Variants in MSRA observed in about 807,000 individuals in gnomAD.
MSRA encodes mitochondrial peptide methionine sulfoxide reductase.
Under a neutral mutation model 31.3 loss-of-function variants are expected in MSRA, and 54 were observed. The observed-to-expected ratio is 1.73, with a 90% CI of 1.39 to 2.17. The LOEUF (loss-of-function observed/expected upper bound fraction) is 2.17, where lower values mean the gene tolerates loss of function less well. Among genes scored for constraint, MSRA ranks in the 30% most tolerant of loss-of-function variants. The pLI is 0.00. For synonymous variants in MSRA, 169 were observed against 116.5 expected (o/e 1.45, Z -2.90); for missense variants, 507 against 300.9 (o/e 1.69, Z -5.07).
chr8:10,374,226 A>G (rs1205953110), intron 5 of MSRA, among the ~76,000 whole-genome samples: 1 of 152,198 alleles, frequency 6.6e-6, no homozygotes, highest in African/African-American at 2.4e-5. Context: ...TACAGAAGTA[A>G]ACTTACAGAA....
At chr8:10,261,410 A>T (rs534936939) in intron 3 of MSRA, among the ~76,000 whole-genome samples, 1 of 149,238 alleles carries the variant, frequency 6.7e-6, no homozygotes, top group Non-Finnish European at 1.5e-5. Context: ...AAAAAAGACT[A>T]TAAGGCCAGA....
chr8:10,266,587 T>C (rs2952185), intron 3 of MSRA, among the ~76,000 whole-genome samples: 129,645 of 151,696 alleles, frequency 0.85, 55,474 homozygotes, highest in East Asian at 0.96. Flanking sequence ...TTCTAAATTT[T>C]GATGAGATCC....
chr8:10,212,829 C>G (rs115694273), intron 2 of MSRA, among the ~76,000 whole-genome samples: 1 of 152,108 alleles, frequency 6.6e-6, no homozygotes, highest in African/African-American at 2.4e-5. Context: ...TTTTGGAACA[C>G]TGAAACATTT....
intron 1 of MSRA, among the ~76,000 whole-genome samples, chr8:10,102,601 C>T (rs536302894): frequency 3.3e-5 from 5 of 152,206 alleles, no homozygotes; most frequent in Admixed American, 3.3e-4. Context: ...GTTGGCATCT[C>T]TTGACTGTGT....
At chr8:10,311,594 A>C (rs1801437147) in intron 4 of MSRA, among the ~76,000 whole-genome samples, 1 of 152,176 alleles carries the variant, frequency 6.6e-6, no homozygotes, top group African/African-American at 2.4e-5. Flanking sequence ...GCAAGTATTC[A>C]GAAAATCGTC....
chr8:10,224,720 G>A (rs1392687599), intron 2 of MSRA, among the ~76,000 whole-genome samples: 5 of 152,184 alleles, frequency 3.3e-5, no homozygotes, highest in Non-Finnish European at 7.4e-5. Flanking sequence ...GACACTCCTC[G>A]TGGTACAGCT....
chr8:10,098,309 G>A (rs575995129), intron 1 of MSRA, among the ~76,000 whole-genome samples: 48 of 152,194 alleles, frequency 3.2e-4, no homozygotes, highest in African/African-American at 1.0e-3. Flanking sequence ...GCAGAAATGC[G>A]TTAATATTTA....
At chr8:10,348,063 A>G (rs1161271367) in intron 5 of MSRA, among the ~76,000 whole-genome samples, 1 of 152,242 alleles carries the variant, frequency 6.6e-6, no homozygotes, top group African/African-American at 2.4e-5. Context: ...CATTGCATCT[A>G]GAATAACCCT....
At chr8:10,345,271 G>A (rs1388182244) in intron 5 of MSRA, among the ~76,000 whole-genome samples, 1 of 152,214 alleles carries the variant, frequency 6.6e-6, no homozygotes, top group Non-Finnish European at 1.5e-5. Context: ...GAGGCTGTTA[G>A]TGTAATGGTC....
At chr8:10,302,533 T>C (rs551436832) in intron 4 of MSRA, among the ~76,000 whole-genome samples, 3 of 152,240 alleles carry the variant, frequency 2.0e-5, no homozygotes, top group Non-Finnish European at 4.4e-5. Flanking sequence ...AAATGTAAAT[T>C]GTGCTTCATG....
At chr8:10,423,902 C>G (rs1349235754) in intron 5 of MSRA, among the ~76,000 whole-genome samples, 1 of 151,342 alleles carries the variant, frequency 6.6e-6, no homozygotes, top group Non-Finnish European at 1.5e-5. Context: ...ATCCATAGTT[C>G]ATTTTCTCAT....
At chr8:10,262,840 C>G (rs1377538768) in intron 3 of MSRA, among the ~76,000 whole-genome samples, 1 of 152,242 alleles carries the variant, frequency 6.6e-6, no homozygotes, top group African/African-American at 2.4e-5. Flanking sequence ...AATGTTGGCA[C>G]TCACACCTTT....
Position 10,337,563 on chromosome 8 carries a change from A to G in MSRA, c.543+17574A>G, listed in dbSNP as rs181103348. ...GCAGCATTAAGTCTGATATACATCAATCCATGTTCAAGCAGATTCCTCTCT... is the reference window on the plus strand; with the variant it reads ...GCAGCATTAAGTCTGATATACATCAGTCCATGTTCAAGCAGATTCCTCTCT... On this transcript the variant is annotated intron_variant, in intron 5 of 5. Transcript: ENST00000317173. 5.4e-3 allele frequency: 3,364 copies of G among 626,480 alleles called. 15 individuals carry two copies. The highest frequency in any genetic ancestry group is 9.3e-3 in the South Asian group (493 of 53,276). The allele number at this position is 626,480 out of a possible 1,614,324, so 38.8% of individuals were successfully genotyped here.
At chr8:10,090,432 G>C (rs561036200) in intron 1 of MSRA, among the ~76,000 whole-genome samples, 3 of 152,296 alleles carry the variant, frequency 2.0e-5, no homozygotes, top group African/African-American at 7.2e-5. Context: ...TTAATGTATA[G>C]TATTGCCTCT....
intron 1 of MSRA, among the ~76,000 whole-genome samples, chr8:10,074,349 TG>T (rs1797890970): frequency 6.6e-6 from 1 of 152,016 alleles, no homozygotes; most frequent in Non-Finnish European, 1.5e-5. Context: ...CCCAAAGTGC[TG>T]GGATTACAGG....
rs541907421 is a variant in MSRA at position 10,134,194 on chromosome 8, C to T, written c.143-73639C>T. On this transcript the variant is annotated intron_variant, in intron 1 of 5. Coordinates refer to ENST00000317173, the MANE Select transcript of MSRA (RefSeq NM_012331.5). ...TATGAAATGCCTTTCTCGTGCCATC[C>T]GACCTCCTGTGTTCACTCTCTGCAC... 3.3e-5 allele frequency among the ~76,000 whole-genome samples: 5 copies of T among 152,260 alleles called. No homozygotes were observed. In the South Asian group the frequency reaches 1.0e-3, roughly 32 times the overall value.
intron 5 of MSRA, among the ~76,000 whole-genome samples, chr8:10,412,860 A>G (rs528462097): frequency 6.6e-6 from 1 of 152,222 alleles, no homozygotes; most frequent in Non-Finnish European, 1.5e-5. Flanking sequence ...ACTCTCATGC[A>G]TTGCAGGGGA....
rs147100413 is a variant in MSRA at position 10,353,249 on chromosome 8, G to C, written c.543+33260G>C. Among the ~76,000 whole-genome samples the C allele has an allele frequency of 8.5e-5, 13 of 152,338 alleles. No homozygotes were observed. In the East Asian group the frequency reaches 2.5e-3, roughly 29 times the overall value. On this transcript the variant is annotated intron_variant, in intron 5 of 5. Coordinates refer to ENST00000317173, the MANE Select transcript of MSRA (RefSeq NM_012331.5). Reference sequence around the variant, plus strand: ...GCCTTCTGCAAATAACCAATTTCTTGAGGAGACAGTGCTTCTTGCAGTCTT... The same window carrying C: ...GCCTTCTGCAAATAACCAATTTCTTCAGGAGACAGTGCTTCTTGCAGTCTT...
chr8:10,071,052 G>C (rs1797708265), intron 1 of MSRA, among the ~76,000 whole-genome samples: 1 of 152,180 alleles, frequency 6.6e-6, no homozygotes, highest in Non-Finnish European at 1.5e-5. Context: ...TGTGATAATT[G>C]CATGTTTAGT....
Sources: allele counts gnomAD v4.1 joint callset (sites outside exome capture counted in the v4.1 genomes callset), GRCh38; gene constraint gnomAD v4.1.1; transcripts MANE v1.5; gene names NCBI Gene and HGNC (gene_info 2026-07-23, HGNC 2026-07-21).